The following HCLS1 variants were observed in gnomAD, a reference collection of about 807,000 sequenced individuals.
HCLS1 encodes hematopoietic cell-specific Lyn substrate 1.
In HCLS1, 44 loss-of-function variants were observed where a neutral mutation model predicts 68.6. The ratio of observed to expected loss-of-function variants is 0.64; its 90% CI spans 0.50 to 0.82. HCLS1 has a LOEUF of 0.82. HCLS1 is among the 40% of genes least tolerant of loss of function. HCLS1 has a pLI of 0.00. For missense variants in HCLS1, 602 were observed against 612.1 expected, an observed-to-expected ratio of 0.98 and a Z score of 0.17; for synonymous variants, 217 against 225.8, an observed-to-expected ratio of 0.96 and a Z score of 0.35.
chr3:121,659,244 C>G (rs1167606963), intron 1 of HCLS1, among the ~76,000 whole-genome samples: 4 of 152,188 alleles, frequency 2.6e-5, no homozygotes, highest in Non-Finnish European at 5.9e-5. Flanking sequence ...TTCTAGACGG[C>G]CTTCCGGACT....
intron 3 of HCLS1, among the ~76,000 whole-genome samples, chr3:121,649,521 C>T (rs1234795893): frequency 1.3e-5 from 2 of 152,210 alleles, no homozygotes; most frequent in Non-Finnish European, 2.9e-5. Context: ...AGGCGTGAGC[C>T]ACCACGCCTG....
intron 4 of HCLS1, among the ~76,000 whole-genome samples, chr3:121,646,816 AATT>A (rs1205031802): frequency 1.4e-5 from 2 of 139,610 alleles, no homozygotes; most frequent in South Asian, 2.1e-4. Flanking sequence ...TTTTATAGCC[AATT>A]ATTATAGAGC....
chr3:121,653,990 T>G (rs1420393265), intron 3 of HCLS1: 1 of 152,246 alleles, frequency 6.6e-6, no homozygotes. Flanking sequence ...TCTTTTTCTT[T>G]TTTAGAAATG....
At chr3:121,635,711 G>A (rs755883294) in intron 9 of HCLS1, 24 bp downstream of exon 9, 2 of 1,579,784 alleles carry the variant, frequency 1.3e-6, no homozygotes, top group Non-Finnish European at 8.7e-7. Flanking sequence ...TGAGGTGCAT[G>A]GAGAGTGAAT....
chr3:121,639,000 G>A (rs1000048902), intron 6 of HCLS1, among the ~76,000 whole-genome samples: 2 of 145,474 alleles, frequency 1.4e-5, no homozygotes, highest in Non-Finnish European at 3.0e-5. Context: ...GAGAAACATC[G>A]CAAGACTCCA....
intron 6 of HCLS1, among the ~76,000 whole-genome samples, chr3:121,638,367 T>A (rs1374503278): frequency 1.3e-5 from 2 of 152,144 alleles, no homozygotes; most frequent in African/African-American, 4.8e-5. Context: ...CTGGTCAGAT[T>A]TTAAATTCCA....
chr3:121,635,112 C>G (rs1183619404), intron 9 of HCLS1, among the ~76,000 whole-genome samples: 6 of 152,112 alleles, frequency 3.9e-5, no homozygotes, highest in Admixed American at 3.9e-4. Flanking sequence ...CCACCCCACC[C>G]CTGTCCCAAG....
chr3:121,658,297 C>T lies in HCLS1; in HGVS notation c.51G>A (p.Gln17=), dbSNP rs770812723. ...CAGGATCTGTGTCCCAATCATCACCCTGGGTCTCCACGGAAACAGACACAT... is the reference window on the plus strand; with the variant it reads ...CAGGATCTGTGTCCCAATCATCACCTTGGGTCTCCACGGAAACAGACACAT... ...GHDVSVSVET[Q]GDDWDTDPDF... The change falls in exon 2 of 14, where the codon CAG becomes CAA. Residue 17 remains glutamine, a synonymous_variant. Transcript: ENST00000314583. 3.7e-6 allele frequency: 6 copies of T among 1,613,956 alleles called. No individual in the cohort carries two copies. The highest frequency in any genetic ancestry group is 1.3e-5 in the African/African-American group (1 of 74,918).
In HCLS1 at chr3:121,632,486, T is replaced by C; in HGVS notation, c.1086A>G (p.Ala362=). 7.4e-7 allele frequency: 1 copy of C among 1,345,362 alleles called. No homozygotes were observed. The highest frequency in any genetic ancestry group is 1.6e-5 in the African/African-American group (1 of 62,884). The allele number at this position is 1,345,362 out of a possible 1,614,324, so 83.3% of individuals were successfully genotyped here. Residue 362 remains alanine, a synonymous_variant, in exon 12 of 14, where the codon GCA becomes GCG. Coordinates refer to ENST00000314583, the MANE Select transcript of HCLS1 (RefSeq NM_005335.6). The stretch of plus-strand genomic sequence containing the variant: ...CAGGCTCGGGCTCAGGCTCAGGCTC[T>C]GCTTCGTACACTGGCTCTTCCTCCA... ...LQVEEEPVYE[A]EPEPEPEPEP...
At chr3:121,659,270 C>G (rs150591193) in intron 1 of HCLS1, among the ~76,000 whole-genome samples, 1 of 152,238 alleles carries the variant, frequency 6.6e-6, no homozygotes, top group African/African-American at 2.4e-5. Flanking sequence ...GAAGGAAGAG[C>G]GGCACAGTTG....
At chr3:121,649,669 G>A (rs1038856519) in intron 3 of HCLS1, among the ~76,000 whole-genome samples, 5 of 152,242 alleles carry the variant, frequency 3.3e-5, no homozygotes, top group Non-Finnish European at 7.3e-5. Context: ...AGAAGAGATA[G>A]AGAGGAAAAC....
At chr3:121,658,535 A>G (rs536998308) in intron 1 of HCLS1, among the ~76,000 whole-genome samples, 188 bp from the exon 2 acceptor site, 1 of 152,306 alleles carries the variant, frequency 6.6e-6, no homozygotes, top group African/African-American at 2.4e-5. Context: ...TTACAAGATG[A>G]GAGATGGGAC....
At chr3:121,644,614 C>G in intron 5 of HCLS1, 1 of 681,508 alleles carries the variant, frequency 1.5e-6, no homozygotes, top group Non-Finnish European at 2.7e-6. Context: ...CTATTTGAAT[C>G]ACTGTCTTTC....
Position 121,635,902 on chromosome 3 carries a change from T to A in HCLS1, c.622-98A>T, listed in dbSNP as rs2049146770. 3 of 875,538 alleles carry A rather than the reference T, an allele frequency of 3.4e-6. No homozygotes were observed. In the Admixed American group the frequency reaches 5.6e-5, roughly 16 times the overall value. The allele number at this position is 875,538 out of a possible 1,614,324, so 54.2% of individuals were successfully genotyped here. On this transcript the variant is annotated intron_variant, in intron 8 of 13. Transcript: ENST00000314583. The stretch of plus-strand genomic sequence containing the variant: ...GGGTTGGGGGCCACTATAAGAGGTA[T>A]CCCTAACCATTGGATGCTCAACAGC...
At chr3:121,638,846 A>C (rs2049173008) in intron 6 of HCLS1, among the ~76,000 whole-genome samples, 1 of 152,168 alleles carries the variant, frequency 6.6e-6, no homozygotes, top group African/African-American at 2.4e-5. Flanking sequence ...TGCTGGCATA[A>C]ACCTATTCAC....
Position 121,631,968 on chromosome 3 carries a change from G to T in HCLS1, c.1339C>A (p.Leu447Ile), listed in dbSNP as rs758467846. 2 of 1,614,166 alleles carry T rather than the reference G, an allele frequency of 1.2e-6. No homozygotes were observed. The highest frequency in any genetic ancestry group is 1.7e-6 in the Non-Finnish European group (2 of 1,180,034). The stretch of plus-strand genomic sequence containing the variant: ...ATTACGTCGTCCGGATCAAAGGAAA[G>T]CTCATCACTTCCCTCTGGGGAGAAA... ...YDYQGEGSDE[L>I]SFDPDDVITD... The change falls in exon 14 of 14, where the codon CTT (leucine) becomes ATT (isoleucine). Residue 447 changes from leucine (L) to isoleucine (I), a missense_variant. Transcript: ENST00000314583.
At chr3:121,639,025 G>A (rs61617145) in intron 6 of HCLS1, among the ~76,000 whole-genome samples, 4,876 of 136,994 alleles carry the variant, frequency 0.036, 310 homozygotes, top group East Asian at 0.3. Flanking sequence ...ACACACACAC[G>A]CACACACACA....
intron 6 of HCLS1, among the ~76,000 whole-genome samples, chr3:121,639,019 A>ACACG (rs1461672702): frequency 0.023 from 1,294 of 56,028 alleles, 21 homozygotes; most frequent in African/African-American, 0.053. Context: ...CAACACACAC[A>ACACG]CACACGCACA....
intron 4 of HCLS1, among the ~76,000 whole-genome samples, chr3:121,645,640 T>C (rs7429247): frequency 0.7 from 105,760 of 151,730 alleles, 37,617 homozygotes; most frequent in East Asian, 0.86. Context: ...AATATCTTGG[T>C]TCTTATTTTC....
Sources: gnomAD v4.1 joint callset for allele counts (sites outside exome capture counted in the v4.1 genomes callset) on GRCh38, gnomAD v4.1.1 for gene constraint, MANE v1.5 for transcripts, NCBI Gene and HGNC (gene_info 2026-07-23, HGNC 2026-07-21) for gene names.